The following ZNF229 variants were observed in gnomAD, a reference collection of about 807,000 sequenced individuals.
The protein encoded by ZNF229 is zinc finger protein 229.
In ZNF229, 10 loss-of-function variants were observed where a neutral mutation model predicts 11.8. The ratio of observed to expected loss-of-function variants is 0.85; its 90% confidence interval spans 0.52 to 1.44. ZNF229 has a LOEUF of 1.44. Among genes scored for constraint, ZNF229 ranks in the 40% most tolerant of loss-of-function variants. The probability of loss-of-function intolerance (pLI) is 0.00; values close to 1 mark genes in which losing one functional copy is unlikely to be tolerated. For missense variants in ZNF229, 1,045 were observed against 1,015.1 expected, an observed-to-expected ratio of 1.03 and a Z score of -0.40; for synonymous variants, 368 against 374.8, an observed-to-expected ratio of 0.98 and a Z score of 0.21.
At chr19:44,434,013 T>G (rs1450634139) in intron 4 of ZNF229, among the ~76,000 whole-genome samples, 5 of 152,184 alleles carry the variant, frequency 3.3e-5, no homozygotes, top group Non-Finnish European at 5.9e-5. Flanking sequence ...GTGATCTGCC[T>G]GGGTATTTCT....
At position 44,429,510 on chromosome 19, in the gene ZNF229, T is replaced by C. The variant is rs574209958; in HGVS notation, c.1271A>G (p.Gln424Arg). ...FSYSSVLQVH[Q>R]RLHTGEKPYT... ...GGGCTTCTCCCCTGTGTGCAGCCTC[T>C]GATGGACTTGAAGCACTGAGCTGTA... The change falls in exon 6 of 6, where the codon CAG (glutamine) becomes CGG (arginine). Residue 424 changes from glutamine (Q) to arginine (R), a missense_variant. Gln to Arg is a conservative substitution (Grantham distance 43). Transcript: ENST00000614049. 13 of 1,612,104 alleles carry C rather than the reference T, an allele frequency of 8.1e-6. No individual in the cohort carries two copies. The highest frequency in any genetic ancestry group is 1.1e-5 in the Non-Finnish European group (13 of 1,178,532).
intron 5 of ZNF229, 71 bp downstream of exon 5, chr19:44,432,137 AAAATAGGATTTAAC>A: frequency 6.7e-7 from 1 of 1,502,154 alleles, no homozygotes. Flanking sequence ...GAGTTCTATA[AAAATAGGATTTAAC>A]CTGTGTAAAA....
chr19:44,428,155 T>TG lies in ZNF229; in HGVS notation c.*147dup. On this transcript the variant is annotated 3_prime_UTR_variant, in exon 6 of 6. Coordinates refer to ENST00000614049, the MANE Select transcript of ZNF229 (RefSeq NM_014518.4). ...CTAACCTATTTATCACACATCCAGGTGTTCCCTTCCTATGCAGACTAGAAA... is the reference window on the plus strand; with the variant it reads ...CTAACCTATTTATCACACATCCAGGTGGTTCCCTTCCTATGCAGACTAGAAA... 2.4e-6 allele frequency: 2 copies of TG among 833,872 alleles called. No individual in the cohort carries two copies. The highest frequency in any genetic ancestry group is 3.7e-6 in the Non-Finnish European group (2 of 547,572). 51.7% of individuals were successfully genotyped at this position (833,872 alleles called of 1,614,324 possible). A position where few individuals can be genotyped will look rare whatever the true frequency, so the allele number is the denominator to read the frequency against.
chr19:44,428,666 C>T lies in ZNF229; in HGVS notation c.2115G>A (p.Leu705=). 1 of 1,613,484 alleles carries T rather than the reference C, an allele frequency of 6.2e-7. No individual in the cohort carries two copies. Among genetic ancestry groups the T allele is most frequent in the Non-Finnish European group, 8.5e-7 (1 of 1,179,832 alleles). ...YGSNLRTHQR[L]HTGEKPYTCC... is the part of the protein sequence containing the mutation. ...AAGTGTAGGGTTTCTCTCCTGTGTG[C>T]AACCTCTGGTGGGTGCGAAGATTAG... is the stretch of plus-strand genomic sequence containing the variant. The change falls in exon 6 of 6, where the codon TTG becomes TTA. Residue 705 remains leucine (L), a synonymous_variant. Coordinates refer to ENST00000614049, the MANE Select transcript of ZNF229 (RefSeq NM_014518.4).
intron 4 of ZNF229, among the ~76,000 whole-genome samples, chr19:44,438,207 TTAA>T (rs1271631889): frequency 6.6e-6 from 1 of 152,344 alleles, no homozygotes; most frequent in South Asian, 2.1e-4. Context: ...TAAAAATGAA[TTAA>T]TGAGAAAATA....
chr19:44,447,439 G>C (rs1021911368), intron 2 of ZNF229, 74 bp downstream of exon 2: 1 of 152,174 alleles, frequency 6.6e-6, no homozygotes, highest in Admixed American at 6.5e-5. Context: ...GAACATTTGT[G>C]ATATCAATGG....
At position 44,448,472 on chromosome 19, in the gene ZNF229, T is replaced by C. The variant is rs1228537641; in HGVS notation, c.-429A>G. ...ACCACTGCCTAAGAAGCAATCAAGG[T>C]GACGCGCCCACCGGAAACGGAAGTA... On this transcript the variant is annotated 5_prime_UTR_variant, in exon 1 of 6. Transcript: ENST00000614049. The C allele has an allele frequency of 6.6e-6, 1 of 152,116 alleles. No homozygotes were observed. Among genetic ancestry groups the C allele is most frequent in the Non-Finnish European group, 1.5e-5 (1 of 68,032 alleles). 9.4% of individuals were successfully genotyped at this position (152,116 alleles called of 1,614,324 possible).
Position 44,429,362 on chromosome 19 carries a change from G to A in ZNF229, c.1419C>T (p.Ser473=), listed in dbSNP as rs1971661013. 1 of 1,613,904 alleles carries A rather than the reference G, an allele frequency of 6.2e-7. No individual in the cohort carries two copies. The highest frequency in any genetic ancestry group is 8.5e-7 in the Non-Finnish European group (1 of 1,179,984). The change falls in exon 6 of 6, where the codon AGC becomes AGT. Residue 473 remains serine (S), a synonymous_variant. Transcript: ENST00000614049. ...TCTTCTGATGACTGCTGAGGTGGGA[G>A]CTGCAGCTGAATCCCTTTCCACACT... ...CGECGKGFSC[S]SHLSSHQKTH...
rs781095842 is a variant in ZNF229, at chr19:44,428,422, G to A, written c.2359C>T (p.Gln787Ter). ...FGRNSCLHVHQRVHTGEKPYT... is the reference protein window; with the variant it reads ...FGRNSCLHVH ...GGCTTCTCTCCAGTGTGGACTCTCT[G>A]ATGAACATGAAGACAGGAGTTGCGG... The change falls in exon 6 of 6, where the codon CAG (glutamine) becomes TAG (stop). Residue 787 changes from glutamine (Q) to a stop codon, truncating the protein, a stop_gained. Transcript: ENST00000614049. LOFTEE classifies it low-confidence loss of function (END_TRUNC). 9.9e-6 allele frequency: 16 copies of A among 1,613,936 alleles called. No individual in the cohort carries two copies. Among genetic ancestry groups the A allele is most frequent in the South Asian group, 7.7e-5 (7 of 91,068 alleles).
Position 44,429,531 on chromosome 19 carries a change from C to T in ZNF229, c.1250G>A (p.Ser417Asn), listed in dbSNP as rs57014690. The T allele has an allele frequency of 0.12, 189,464 of 1,613,572 alleles. 13,075 individuals are homozygous for T. The highest frequency in any genetic ancestry group is 0.31 in the Admixed American group (18,584 of 59,986). The change falls in exon 6 of 6, where the codon AGC becomes AAC. Residue 417 changes from serine (S) to asparagine (N), a missense_variant. Coordinates refer to ENST00000614049, the MANE Select transcript of ZNF229 (RefSeq NM_014518.4). ...CSECGKGFSY[S>N]SVLQVHQRLH... Reference sequence around the variant, plus strand: ...CCTCTGATGGACTTGAAGCACTGAGCTGTAACTGAAGCCCTTCCCACACTC... The same window carrying T: ...CCTCTGATGGACTTGAAGCACTGAGTTGTAACTGAAGCCCTTCCCACACTC...
At chr19:44,445,803 T>C (rs2571164) in intron 2 of ZNF229, among the ~76,000 whole-genome samples, 12,281 of 152,226 alleles carry the variant, frequency 0.081, 691 homozygotes, top group East Asian at 0.28. Flanking sequence ...AGGTGCTCAA[T>C]AAATATTTAA....
At chr19:44,436,048 A>G (rs898002419) in intron 4 of ZNF229, among the ~76,000 whole-genome samples, 1 of 152,224 alleles carries the variant, frequency 6.6e-6, no homozygotes, top group African/African-American at 2.4e-5. Flanking sequence ...CACAGCATGG[A>G]AAAACATAGC....
At chr19:44,444,554 G>A (rs1406625844) in intron 2 of ZNF229, among the ~76,000 whole-genome samples, 2 of 152,158 alleles carry the variant, frequency 1.3e-5, no homozygotes, top group East Asian at 3.9e-4. Flanking sequence ...GGCCTCCACC[G>A]CAATGCCACT....
intron 2 of ZNF229, among the ~76,000 whole-genome samples, chr19:44,446,842 A>G (rs750946871): frequency 6.6e-6 from 1 of 151,270 alleles, no homozygotes; most frequent in East Asian, 2.0e-4. Flanking sequence ...CTGTTTTCCA[A>G]CAAGAATGTA....
intron 4 of ZNF229, 52 bp from the exon 5 acceptor site, chr19:44,432,418 T>C: frequency 6.3e-7 from 1 of 1,598,306 alleles, no homozygotes; most frequent in Non-Finnish European, 8.5e-7. Context: ...GACAAACTGG[T>C]GTCCACAGAG....
At chr19:44,430,620 T>C in intron 5 of ZNF229, 78 bp from the exon 6 acceptor site, 1 of 1,357,394 alleles carries the variant, frequency 7.4e-7, no homozygotes, top group East Asian at 2.3e-5. Context: ...AGACTTGAAC[T>C]AATAATAGCC....
At position 44,429,925 on chromosome 19, in the gene ZNF229, CTCT is replaced by C. The variant is rs1192725482; in HGVS notation, c.853_855del (p.Arg285del). The C allele has an allele frequency of 6.8e-6, 11 of 1,613,924 alleles. No homozygotes were observed. Among genetic ancestry groups the C allele is most frequent in the Non-Finnish European group, 9.3e-6 (11 of 1,179,982 alleles). Reference sequence around the variant, plus strand: ...TGACAGAGTTTCTCTTTCAAAGGTACTCTTGGATGCGGGGGAAGGTCTGCATCG... The same window carrying C: ...TGACAGAGTTTCTCTTTCAAAGGTACTGGATGCGGGGGAAGGTCTGCATCG... On this transcript the variant is annotated inframe_deletion, in exon 6 of 6. Coordinates refer to ENST00000614049, the MANE Select transcript of ZNF229 (RefSeq NM_014518.4).
intron 2 of ZNF229, among the ~76,000 whole-genome samples, chr19:44,445,985 C>T (rs536173038): frequency 2.0e-5 from 3 of 152,122 alleles, no homozygotes; most frequent in Non-Finnish European, 2.9e-5. Flanking sequence ...GGGCAGACAA[C>T]GACTCTGTGC....
chr19:44,447,991 T>G (rs1487268106), intron 1 of ZNF229, among the ~76,000 whole-genome samples: 1 of 152,190 alleles, frequency 6.6e-6, no homozygotes, highest in Admixed American at 6.5e-5. Flanking sequence ...AACCAACTCC[T>G]AGGACTTGCA....
Sources: allele counts gnomAD v4.1 joint callset (sites outside exome capture counted in the v4.1 genomes callset), GRCh38; gene constraint gnomAD v4.1.1; transcripts MANE v1.5; gene names NCBI Gene and HGNC (gene_info 2026-07-23, HGNC 2026-07-21).